Variants in COL21A1 observed in about 807,000 individuals in gnomAD.
COL21A1 encodes the protein collagen type XXI alpha 1 chain.
In COL21A1, 149 loss-of-function variants were observed where a neutral mutation model predicts 137.9. That is an observed-to-expected ratio of 1.08 (90% CI 0.95 to 1.24). The LOEUF is 1.24. Among genes scored for constraint, COL21A1 ranks in the 50% most tolerant of loss-of-function variants. COL21A1 has a pLI of 0.00. For missense variants in COL21A1, 1,167 were observed against 1,158.4 expected (o/e 1.01, Z -0.11); for synonymous variants, 456 against 391.5 (o/e 1.16, Z -1.95).
At position 56,125,962 on chromosome 6, in the gene COL21A1, A is replaced by T. The variant is rs1263201995; in HGVS notation, c.1596+134T>A. The T allele has an allele frequency of 1.8e-4, 98 of 559,746 alleles. No individual in the cohort carries two copies. In the South Asian group the frequency reaches 2.8e-3, roughly 16 times the overall value. 34.7% of individuals were successfully genotyped at this position (559,746 alleles called of 1,614,324 possible). A position where few individuals can be genotyped will look rare whatever the true frequency, so the allele number is the denominator to read the frequency against. Reference sequence around the variant, plus strand: ...TAAAGTTTTATATAAACTAATATTAATCTTAGCCCATTGTTTACTTTATCT... The same window carrying T: ...TAAAGTTTTATATAAACTAATATTATTCTTAGCCCATTGTTTACTTTATCT... On this transcript the variant is annotated intron_variant, in intron 13 of 29. Transcript: ENST00000244728.
At chr6:56,103,404 G>T (rs1770619573) in intron 16 of COL21A1, among the ~76,000 whole-genome samples, 3 of 152,128 alleles carry the variant, frequency 2.0e-5, no homozygotes, top group African/African-American at 7.2e-5. Context: ...AAGAGGGTAA[G>T]GCACTTGCCA....
At chr6:56,126,374 T>C (rs1271274918) in intron 12 of COL21A1, 2 of 436,386 alleles carry the variant, frequency 4.6e-6, no homozygotes, top group African/African-American at 2.1e-5. Flanking sequence ...AAAATCTCAC[T>C]AGCAATCCTG....
intron 1 of COL21A1, among the ~76,000 whole-genome samples, chr6:56,329,170 G>C (rs1293332225): frequency 6.6e-6 from 1 of 152,114 alleles, no homozygotes; most frequent in Non-Finnish European, 1.5e-5. Context: ...ATTACAGCTA[G>C]TATCACTATC....
chr6:56,371,695 A>G (rs940939668), intron 1 of COL21A1, among the ~76,000 whole-genome samples: 22 of 152,148 alleles, frequency 1.4e-4, no homozygotes, highest in African/African-American at 5.1e-4. Context: ...AAAGAACACT[A>G]TATCCACAGG....
intron 1 of COL21A1, among the ~76,000 whole-genome samples, chr6:56,183,410 T>G (rs1373659719): frequency 6.6e-6 from 1 of 152,210 alleles, no homozygotes; most frequent in Admixed American, 6.5e-5. Context: ...GGAATACTGA[T>G]GAGAAGGAAT....
At chr6:56,301,758 G>A (rs925144607) in intron 1 of COL21A1, among the ~76,000 whole-genome samples, 24 of 151,476 alleles carry the variant, frequency 1.6e-4, no homozygotes, top group Admixed American at 1.6e-3. Flanking sequence ...TGTGCACAAC[G>A]TGCAGGTTGG....
intron 2 of COL21A1, among the ~76,000 whole-genome samples, chr6:56,181,269 C>A (rs1361101751): frequency 2.0e-5 from 3 of 152,154 alleles, no homozygotes; most frequent in African/African-American, 7.2e-5. Flanking sequence ...GTAGGGACAG[C>A]AGAAATGGAG....
intron 1 of COL21A1, among the ~76,000 whole-genome samples, chr6:56,321,848 C>G (rs1434268467): frequency 6.6e-6 from 1 of 152,096 alleles, no homozygotes; most frequent in Non-Finnish European, 1.5e-5. Flanking sequence ...CTTCTATGGT[C>G]GTTCAGCATT....
At chr6:56,321,239 T>C (rs1322752847) in intron 1 of COL21A1, among the ~76,000 whole-genome samples, 2 of 152,158 alleles carry the variant, frequency 1.3e-5, no homozygotes, top group East Asian at 3.9e-4. Flanking sequence ...AGAATTTTTG[T>C]ATACTGACCA....
intron 1 of COL21A1, among the ~76,000 whole-genome samples, chr6:56,204,546 G>A (rs1779632448): frequency 6.6e-6 from 1 of 152,140 alleles, no homozygotes; most frequent in Admixed American, 6.5e-5. Flanking sequence ...TGGAGGCTGT[G>A]GGTGCAGCTT....
intron 25 of COL21A1, among the ~76,000 whole-genome samples, chr6:56,061,408 G>GA (rs1405380100): frequency 6.6e-6 from 1 of 152,068 alleles, no homozygotes; most frequent in Non-Finnish European, 1.5e-5. Context: ...AAAATATGGA[G>GA]AAAAAATTCA....
In COL21A1 at chr6:56,200,693, C is replaced by T. The variant is rs560877300; in HGVS notation, c.-38-18037G>A. 4.6e-5 allele frequency among the ~76,000 whole-genome samples: 7 copies of T among 152,034 alleles called. No individual in the cohort carries two copies. In the East Asian group the frequency reaches 1.4e-3, roughly 29 times the overall value. On this transcript the variant is annotated intron_variant, in intron 1 of 29. Coordinates refer to ENST00000244728, the MANE Select transcript of COL21A1 (RefSeq NM_030820.4). ...GTATATGTGCCACATTTTCTTCATCCAGTATATCATTGTTGGACATATGGC... is the reference window on the plus strand; with the variant it reads ...GTATATGTGCCACATTTTCTTCATCTAGTATATCATTGTTGGACATATGGC...
At chr6:56,274,836 A>G (rs1455325338) in intron 1 of COL21A1, among the ~76,000 whole-genome samples, 1 of 151,796 alleles carries the variant, frequency 6.6e-6, no homozygotes, top group Non-Finnish European at 1.5e-5. Flanking sequence ...TATCTATGTC[A>G]TTTTTCACAG....
chr6:56,111,067 A>G (rs1216503121), intron 16 of COL21A1, among the ~76,000 whole-genome samples: 2 of 152,036 alleles, frequency 1.3e-5, no homozygotes, highest in Admixed American at 1.3e-4. Flanking sequence ...GATCATCATT[A>G]ATATCACCAA....
intron 1 of COL21A1, among the ~76,000 whole-genome samples, chr6:56,268,438 G>A (rs112525701): frequency 6.6e-6 from 1 of 152,132 alleles, no homozygotes; most frequent in South Asian, 2.1e-4. Context: ...AAATACAAAA[G>A]AGCCATGTGG....
intron 16 of COL21A1, among the ~76,000 whole-genome samples, chr6:56,114,964 A>G (rs1244751493): frequency 4.1e-4 from 62 of 151,620 alleles, no homozygotes; most frequent in African/African-American, 1.5e-3. Flanking sequence ...AAAATGTGGC[A>G]CATATACACC....
At chr6:56,058,465 AT>A in intron 29 of COL21A1, among the ~76,000 whole-genome samples, 1 of 152,286 alleles carries the variant, frequency 6.6e-6, no homozygotes, top group African/African-American at 2.4e-5. Context: ...ATAACAAAAA[AT>A]ATTCAGATTT....
At chr6:56,195,415 C>T (rs1778955829) in intron 1 of COL21A1, among the ~76,000 whole-genome samples, 1 of 151,984 alleles carries the variant, frequency 6.6e-6, no homozygotes, top group Non-Finnish European at 1.5e-5. Context: ...GAGCCCCAGT[C>T]TCTCTGTCTT....
intron 1 of COL21A1, among the ~76,000 whole-genome samples, chr6:56,232,539 C>T (rs1320834094): frequency 6.6e-6 from 1 of 151,888 alleles, no homozygotes; most frequent in African/African-American, 2.4e-5. Flanking sequence ...TCATTGTTCA[C>T]TCCAAAGTCA....
Sources: allele counts gnomAD v4.1 joint callset (sites outside exome capture counted in the v4.1 genomes callset), GRCh38; gene constraint gnomAD v4.1.1; transcripts MANE v1.5; gene names NCBI Gene and HGNC (gene_info 2026-07-23, HGNC 2026-07-21).